Variants in DACH1 observed in about 807,000 individuals in gnomAD.
DACH1 encodes the protein dachshund family transcription factor 1, also known as dachshund homolog 1.
Under a neutral mutation model 54.2 loss-of-function variants are expected in DACH1, and 12 were observed. The observed-to-expected ratio is 0.22, with a 90% CI of 0.14 to 0.36. The LOEUF (loss-of-function observed/expected upper bound fraction) is 0.36. Ranked by LOEUF, DACH1 falls within the 10% of genes least tolerant of loss-of-function variation. The pLI, the probability that DACH1 is intolerant of heterozygous loss-of-function variation, is 1.00. For synonymous variants in DACH1, 386 were observed against 366.2 expected, an observed-to-expected ratio of 1.05 and a Z score of -0.62; for missense variants, 805 against 929.8, an observed-to-expected ratio of 0.87 and a Z score of 1.75.
chr13:71,721,336 G>A (rs896843509), intron 1 of DACH1, among the ~76,000 whole-genome samples: 1 of 152,078 alleles, frequency 6.6e-6, no homozygotes, highest in African/African-American at 2.4e-5. Flanking sequence ...TTACACAAGA[G>A]TCAAGAGATG....
chr13:71,766,879 GT>G (rs887342710), intron 1 of DACH1, among the ~76,000 whole-genome samples: 7 of 150,532 alleles, frequency 4.7e-5, no homozygotes, highest in Non-Finnish European at 8.9e-5. Context: ...GGCCAAAAAA[GT>G]TTTTTTCCCC....
At chr13:71,725,261 GC>G (rs1384197977) in intron 1 of DACH1, among the ~76,000 whole-genome samples, 3 of 152,038 alleles carry the variant, frequency 2.0e-5, no homozygotes, top group African/African-American at 7.2e-5. Flanking sequence ...GAGCAATGTA[GC>G]CTCTAAGAAA....
chr13:71,523,745 T>G (rs761170319), intron 6 of DACH1, among the ~76,000 whole-genome samples: 2 of 152,102 alleles, frequency 1.3e-5, no homozygotes, highest in Non-Finnish European at 2.9e-5. Context: ...TATAAAATCT[T>G]ATTAATGTAA....
intron 2 of DACH1, among the ~76,000 whole-genome samples, chr13:71,645,659 A>C (rs1294595036): frequency 6.6e-6 from 1 of 152,234 alleles, no homozygotes; most frequent in Non-Finnish European, 1.5e-5. Flanking sequence ...AGTAACTCCG[A>C]CTAGTGTTTT....
At chr13:71,757,644 C>G (rs1325291404) in intron 1 of DACH1, among the ~76,000 whole-genome samples, 1 of 151,712 alleles carries the variant, frequency 6.6e-6, no homozygotes, top group Admixed American at 6.6e-5. Flanking sequence ...CAGCCTCAAC[C>G]TCCTGAGTAG....
rs183390197 is a variant in DACH1 at position 71,540,438 on chromosome 13, T to C, written c.1570+16586A>G. ...TAGATTCTGTCACATTTAACGGGTTTAGAAAATGACAGGATGCCTCTTTTG... is the reference window on the plus strand; with the variant it reads ...TAGATTCTGTCACATTTAACGGGTTCAGAAAATGACAGGATGCCTCTTTTG... On this transcript the variant is annotated intron_variant, in intron 6 of 10. Coordinates refer to ENST00000613252, the MANE Select transcript of DACH1 (RefSeq NM_080759.6). 4.6e-3 allele frequency among the ~76,000 whole-genome samples: 703 copies of C among 152,266 alleles called. 4 individuals are homozygous for C. Among genetic ancestry groups the C allele is most frequent in the Non-Finnish European group, 7.7e-3 (526 of 67,992 alleles).
chr13:71,457,455 A>C (rs1256231598), intron 10 of DACH1, among the ~76,000 whole-genome samples: 1 of 151,926 alleles, frequency 6.6e-6, no homozygotes, highest in African/African-American at 2.4e-5. Flanking sequence ...TAACACTGTA[A>C]ATTTCTTGGT....
At chr13:71,792,068 T>C (rs540786514) in intron 1 of DACH1, among the ~76,000 whole-genome samples, 1 of 152,142 alleles carries the variant, frequency 6.6e-6, no homozygotes, top group Non-Finnish European at 1.5e-5. Context: ...TAATTACTTT[T>C]CTTCTTAGCT....
intron 1 of DACH1, among the ~76,000 whole-genome samples, chr13:71,775,280 G>C (rs1028287475): frequency 1.3e-5 from 2 of 151,706 alleles, no homozygotes; most frequent in Non-Finnish European, 2.9e-5. Context: ...ACTCCAGCCT[G>C]GGCAACAGGG....
At chr13:71,701,474 G>T (rs992837341) in intron 1 of DACH1, among the ~76,000 whole-genome samples, 3 of 151,960 alleles carry the variant, frequency 2.0e-5, no homozygotes, top group African/African-American at 7.3e-5. Flanking sequence ...TTTTCTATTT[G>T]ATGATTCCTT....
At chr13:71,714,944 G>T (rs1207284728) in intron 1 of DACH1, among the ~76,000 whole-genome samples, 1 of 151,992 alleles carries the variant, frequency 6.6e-6, no homozygotes, top group Non-Finnish European at 1.5e-5. Flanking sequence ...AAGGAGTTAA[G>T]GTTGTGACTT....
chr13:71,491,946 T>A (rs574159876), intron 6 of DACH1, among the ~76,000 whole-genome samples: 1 of 152,188 alleles, frequency 6.6e-6, no homozygotes, highest in South Asian at 2.1e-4. Flanking sequence ...GAGTGAATGA[T>A]GATGAAATAC....
Position 71,655,316 on chromosome 13 carries a change from A to G in DACH1, c.965-24599T>C, listed in dbSNP as rs533008918. Among the ~76,000 whole-genome samples the G allele has an allele frequency of 2.0e-4, 30 of 152,146 alleles. No individual in the cohort carries two copies. The South Asian group carries it at 6.0e-3, about 31-fold the overall frequency. On this transcript the variant is annotated intron_variant, in intron 2 of 10. Coordinates refer to ENST00000613252, the MANE Select transcript of DACH1 (RefSeq NM_080759.6). The stretch of plus-strand genomic sequence containing the variant: ...TACAGAAATCAAGACATCACTTAGC[A>G]AAACCTTCATGAAAGCATAGCAGGC...
intron 1 of DACH1, among the ~76,000 whole-genome samples, chr13:71,753,198 T>C (rs1489302831): frequency 1.3e-5 from 2 of 152,100 alleles, no homozygotes; most frequent in Non-Finnish European, 2.9e-5. Flanking sequence ...AATTCCACTT[T>C]CCAATAACTT....
At chr13:71,532,141 A>G (rs1882459771) in intron 6 of DACH1, among the ~76,000 whole-genome samples, 1 of 151,952 alleles carries the variant, frequency 6.6e-6, no homozygotes, top group Non-Finnish European at 1.5e-5. Flanking sequence ...TGGTTCCATT[A>G]TGGACACTTG....
At chr13:71,723,379 A>G (rs1310482628) in intron 1 of DACH1, among the ~76,000 whole-genome samples, 1 of 152,160 alleles carries the variant, frequency 6.6e-6, no homozygotes, top group African/African-American at 2.4e-5. Flanking sequence ...ACACCATTGC[A>G]TTCCAGCCGA....
intron 6 of DACH1, among the ~76,000 whole-genome samples, chr13:71,503,958 T>C (rs931033510): frequency 9.9e-5 from 15 of 152,176 alleles, no homozygotes; most frequent in African/African-American, 2.7e-4. Flanking sequence ...GTTTATGTCA[T>C]TGTCAGCATT....
At chr13:71,820,036 G>A (rs1397089046) in intron 1 of DACH1, among the ~76,000 whole-genome samples, 1 of 148,856 alleles carries the variant, frequency 6.7e-6, no homozygotes, top group Non-Finnish European at 1.5e-5. Context: ...AGAGGCCGAA[G>A]TGGGAGAATC....
chr13:71,801,519 A>T (rs1426430241), intron 1 of DACH1, among the ~76,000 whole-genome samples: 1 of 152,140 alleles, frequency 6.6e-6, no homozygotes, highest in Admixed American at 6.6e-5. Flanking sequence ...TTAGAACATC[A>T]TGATTCATTT....
Sources: allele counts gnomAD v4.1 joint callset (sites outside exome capture counted in the v4.1 genomes callset), GRCh38; gene constraint gnomAD v4.1.1; transcripts MANE v1.5; gene names NCBI Gene and HGNC (gene_info 2026-07-23, HGNC 2026-07-21).